The following DHX35 variants were observed in gnomAD, a reference collection of about 807,000 sequenced individuals.
DHX35 encodes the protein probable ATP-dependent RNA helicase DHX35.
Under a neutral mutation model 99.6 loss-of-function variants are expected in DHX35, and 84 were observed. The ratio of observed to expected loss-of-function variants is 0.84; its 90% confidence interval spans 0.71 to 1.01. The LOEUF (loss-of-function observed/expected upper bound fraction) is 1.01. DHX35 is among the 50% of genes least tolerant of loss of function. The pLI is 0.00. For missense variants in DHX35, 852 were observed against 888.5 expected (o/e 0.96, Z 0.52); for synonymous variants, 331 against 316.2 (o/e 1.05, Z -0.50).
At chr20:38,990,063 G>C (rs574658580) in intron 5 of DHX35, among the ~76,000 whole-genome samples, 2 of 152,276 alleles carry the variant, frequency 1.3e-5, no homozygotes, top group South Asian at 4.1e-4. Flanking sequence ...ATTTTGCTAG[G>C]TGAAGGGAAT....
intron 5 of DHX35, among the ~76,000 whole-genome samples, chr20:38,989,258 C>T (rs991792876): frequency 8.2e-5 from 12 of 146,680 alleles, no homozygotes; most frequent in East Asian, 2.0e-4. Context: ...TCACCACACC[C>T]GGCTAAGTTT....
intron 14 of DHX35, among the ~76,000 whole-genome samples, chr20:39,016,019 A>G (rs1319854859): frequency 1.3e-5 from 2 of 152,218 alleles, no homozygotes; most frequent in East Asian, 1.9e-4. Context: ...TTGCTATAAC[A>G]GAATGCCAGA....
intron 4 of DHX35, among the ~76,000 whole-genome samples, chr20:38,985,400 T>C (rs958616735): frequency 6.7e-6 from 1 of 148,536 alleles, no homozygotes; most frequent in African/African-American, 2.5e-5. Context: ...AAAAAAGGCT[T>C]AAAGAAAAGG....
At chr20:38,971,025 C>T (rs1342265116) in intron 2 of DHX35, among the ~76,000 whole-genome samples, 2 of 152,016 alleles carry the variant, frequency 1.3e-5, no homozygotes, top group South Asian at 2.1e-4. Flanking sequence ...ATCCTTTTTC[C>T]CTTTCAAACA....
chr20:39,028,074 G>A (rs2086986279), intron 18 of DHX35, among the ~76,000 whole-genome samples: 1 of 152,160 alleles, frequency 6.6e-6, no homozygotes, highest in South Asian at 2.1e-4. Context: ...TTTTACAAAG[G>A]AGTTCTGAGG....
At chr20:39,036,474 C>T (rs1471114479) in intron 21 of DHX35, among the ~76,000 whole-genome samples, 1 of 151,942 alleles carries the variant, frequency 6.6e-6, no homozygotes, top group East Asian at 1.9e-4. Flanking sequence ...GCCTGTAATC[C>T]CAGCACTTTG....
At chr20:38,977,977 C>T (rs1242007185) in intron 3 of DHX35, 1 of 670,406 alleles carries the variant, frequency 1.5e-6, no homozygotes, top group African/African-American at 1.8e-5. Context: ...TGGAACGTTG[C>T]TACCACCTCC....
chr20:38,980,511 G>GTTTTTTTTTT (rs397953645), intron 3 of DHX35, among the ~76,000 whole-genome samples: 3 of 136,988 alleles, frequency 2.2e-5, no homozygotes, highest in East Asian at 2.1e-4. Context: ...TTATAGTTCT[G>GTTTTTTTTTT]TTTTTTTTTT....
At chr20:38,994,268 C>A (rs961026710) in intron 7 of DHX35, among the ~76,000 whole-genome samples, 2 of 151,906 alleles carry the variant, frequency 1.3e-5, no homozygotes, top group African/African-American at 4.8e-5. Context: ...TAAATCCTTG[C>A]CAATGGGATA....
intron 3 of DHX35, among the ~76,000 whole-genome samples, chr20:38,980,646 T>G (rs1043869317): frequency 6.6e-6 from 1 of 152,102 alleles, no homozygotes; most frequent in African/African-American, 2.4e-5. Context: ...CTTACAGTCA[T>G]TTTCTAAACT....
At chr20:39,014,073 G>A (rs570860148) in intron 13 of DHX35, among the ~76,000 whole-genome samples, 23 of 152,152 alleles carry the variant, frequency 1.5e-4, no homozygotes, top group Non-Finnish European at 2.2e-4. Flanking sequence ...CTAAAACAAT[G>A]TGATGAATAA....
chr20:39,023,823 TC>T, intron 17 of DHX35, 56 bp downstream of exon 17: 1 of 1,427,202 alleles, frequency 7.0e-7, no homozygotes, highest in Non-Finnish European at 9.9e-7. Flanking sequence ...CTGGAGGTGA[TC>T]TAGGAGGGAG....
At chr20:38,969,025 C>T (rs918316459) in intron 1 of DHX35, 56 bp from the exon 2 acceptor site, 2 of 1,514,142 alleles carry the variant, frequency 1.3e-6, no homozygotes, top group Admixed American at 2.2e-5. Context: ...ATAAACTTAA[C>T]ACCTTTTTCT....
intron 3 of DHX35, among the ~76,000 whole-genome samples, chr20:38,980,038 G>A (rs968442053): frequency 5.1e-4 from 78 of 152,200 alleles, no homozygotes; most frequent in Non-Finnish European, 2.1e-4. Flanking sequence ...ATCTCCCTCC[G>A]TGACTCTCCA....
At chr20:38,985,353 C>T (rs1229773524) in intron 4 of DHX35, among the ~76,000 whole-genome samples, 1 of 141,296 alleles carries the variant, frequency 7.1e-6, no homozygotes, top group East Asian at 2.1e-4. Flanking sequence ...TGTCATTGTA[C>T]TCCAACCTTT....
In DHX35 at chr20:38,977,659, T is replaced by C. The variant is rs2086102407; in HGVS notation, c.267+5008T>C. The C allele has an allele frequency of 8.3e-6, 3 of 359,748 alleles. No individual in the cohort carries two copies. In the East Asian group the frequency reaches 1.7e-4, roughly 20 times the overall value. The allele number at this position is 359,748 out of a possible 1,614,324, so 22.3% of individuals were successfully genotyped here. Reference sequence around the variant, plus strand: ...CCTGGACAACATTTATCAAACACGGTAGGGAAAGTTCTCACTCTGCATTAT... The same window carrying C: ...CCTGGACAACATTTATCAAACACGGCAGGGAAAGTTCTCACTCTGCATTAT... On this transcript the variant is annotated intron_variant, in intron 3 of 21. Coordinates refer to ENST00000252011, the MANE Select transcript of DHX35 (RefSeq NM_021931.4).
chr20:38,964,817 A>G (rs948671523), intron 1 of DHX35, among the ~76,000 whole-genome samples: 2 of 152,228 alleles, frequency 1.3e-5, no homozygotes, highest in African/African-American at 2.4e-5. Flanking sequence ...GGAGGAGGAA[A>G]TTAGAGAAGG....
At chr20:38,970,073 A>ATCTGTCTG (rs370046590) in intron 2 of DHX35, among the ~76,000 whole-genome samples, 25 of 152,004 alleles carry the variant, frequency 1.6e-4, no homozygotes, top group South Asian at 8.3e-4. Flanking sequence ...TGTTCTATCT[A>ATCTGTCTG]TCTGTCTGTC....
In DHX35 at chr20:39,006,141, C is replaced by T. The variant is rs944764337; in HGVS notation, c.1012-5C>T. The T allele has an allele frequency of 4.7e-5, 75 of 1,610,874 alleles. No individual in the cohort carries two copies. In the East Asian group the frequency reaches 1.3e-3, roughly 27 times the overall value. ...GTTTTATTCTTCTTTCTGTGGGGAACGTAGGTGATAGTGGCCACCAATGTG... is the reference window on the plus strand; with the variant it reads ...GTTTTATTCTTCTTTCTGTGGGGAATGTAGGTGATAGTGGCCACCAATGTG... On this transcript the variant is annotated splice_polypyrimidine_tract_variant and splice_region_variant and intron_variant, in intron 11 of 21. Transcript: ENST00000252011.
Sources: gnomAD v4.1 joint callset for allele counts (sites outside exome capture counted in the v4.1 genomes callset) on GRCh38, gnomAD v4.1.1 for gene constraint, MANE v1.5 for transcripts, NCBI Gene and HGNC (gene_info 2026-07-23, HGNC 2026-07-21) for gene names.